The following ELAVL4 variants were observed in gnomAD, a reference collection of about 807,000 sequenced individuals.
ELAVL4 encodes the protein ELAV like RNA binding protein 4.
ELAVL4 carries 1 observed loss-of-function variant against 35.6 expected under a neutral mutation model. The observed-to-expected ratio is 0.03, with a 90% CI of 0.01 to 0.13. The LOEUF is 0.13. ELAVL4 is among the 10% of genes least tolerant of loss of function. ELAVL4 has a pLI of 1.00. For missense variants in ELAVL4, 267 were observed against 464.9 expected (o/e 0.57, Z 3.91); for synonymous variants, 156 against 171.0 (o/e 0.91, Z 0.69).
intron 2 of ELAVL4, among the ~76,000 whole-genome samples, chr1:50,168,635 C>G (rs1463278309): frequency 6.6e-6 from 1 of 152,126 alleles, no homozygotes; most frequent in Non-Finnish European, 1.5e-5. Context: ...TCTCCACATA[C>G]AGTCAAAGGT....
upstream of ELAVL4, among the ~76,000 whole-genome samples, chr1:50,099,848 C>T (rs1298440275): frequency 1.3e-5 from 2 of 152,084 alleles, no homozygotes; most frequent in Admixed American, 1.3e-4. Flanking sequence ...CCTTGTAATC[C>T]TCATAGGACC....
At chr1:50,078,106 T>TTGTG (rs56818675) in intron 1 of ELAVL4, among the ~76,000 whole-genome samples, 3,051 of 145,026 alleles carry the variant, frequency 0.021, 46 homozygotes, top group Middle Eastern at 0.039. Flanking sequence ...AATATATACC[T>TTGTG]TGTGTGTGTG....
Position 50,165,573 on chromosome 1 carries a change from C to T in ELAVL4, c.251-11516C>T, listed in dbSNP as rs1435870242. Among the ~76,000 whole-genome samples, 3 of 147,738 alleles carry T rather than the reference C, an allele frequency of 2.0e-5. No individual in the cohort carries two copies. In the East Asian group the frequency reaches 5.9e-4, roughly 29 times the overall value. ...TAGTATATATGCATATACACACATA[C>T]ACGTATATATGTATACATATATACG... On this transcript the variant is annotated intron_variant, in intron 2 of 6. Coordinates refer to ENST00000371824, the MANE Select transcript of ELAVL4 (RefSeq NM_001144774.3).
intron 1 of ELAVL4, among the ~76,000 whole-genome samples, chr1:50,135,835 G>A (rs926916930): frequency 2.0e-5 from 3 of 152,100 alleles, no homozygotes. Context: ...TGGGAAACAT[G>A]AGTGCAGTCT....
At chr1:50,151,306 C>T (rs1489179228) in intron 2 of ELAVL4, among the ~76,000 whole-genome samples, 1 of 152,138 alleles carries the variant, frequency 6.6e-6, no homozygotes, top group Non-Finnish European at 1.5e-5. Flanking sequence ...ATAATTAGAG[C>T]TCAGAATCTT....
At chr1:50,113,873 C>A (rs562454208) in intron 1 of ELAVL4, among the ~76,000 whole-genome samples, 1 of 152,030 alleles carries the variant, frequency 6.6e-6, no homozygotes, top group Non-Finnish European at 1.5e-5. Context: ...GATTCCTGCA[C>A]CTGTCTTAGG....
chr1:50,088,811 G>A (rs531189346), intron 1 of ELAVL4, among the ~76,000 whole-genome samples: 11 of 152,252 alleles, frequency 7.2e-5, no homozygotes, highest in Non-Finnish European at 1.5e-4. Flanking sequence ...CAGCCAGTCA[G>A]CACCTCTCAT....
At chr1:50,098,382 T>G (rs1665806600) in intron 1 of ELAVL4, among the ~76,000 whole-genome samples, 1 of 152,220 alleles carries the variant, frequency 6.6e-6, no homozygotes, top group Non-Finnish European at 1.5e-5. Context: ...AAGTTATGTT[T>G]GTGAGTAATT....
chr1:50,183,585 G>A (rs1005508756), intron 3 of ELAVL4, among the ~76,000 whole-genome samples: 15 of 151,960 alleles, frequency 9.9e-5, no homozygotes, highest in African/African-American at 2.7e-4. Flanking sequence ...CTCCATTTTC[G>A]CTTTATTCTT....
chr1:50,077,023 T>TTCTCTC lies in ELAVL4; in HGVS notation c.18+28860_18+28865dup, dbSNP rs146497523. On this transcript the variant is annotated intron_variant, in intron 1 of 6. Coordinates refer to the ELAVL4 transcript ENST00000448907. Reference sequence around the variant, plus strand: ...CAGAGAAACAAAGTAAATGGGATGTTTCTCTCTCTCTCTCTCTCTCTCTCA... The same window carrying TTCTCTC: ...CAGAGAAACAAAGTAAATGGGATGTTTCTCTCTCTCTCTCTCTCTCTCTCTCTCTCA... Among the ~76,000 whole-genome samples the TTCTCTC allele has an allele frequency of 3.3e-4, 49 of 147,078 alleles. 1 individual carries two copies. In the South Asian group the frequency reaches 9.2e-3, roughly 27 times the overall value.
intron 3 of ELAVL4, among the ~76,000 whole-genome samples, chr1:50,188,708 G>C (rs887263788): frequency 2.6e-5 from 4 of 152,208 alleles, no homozygotes; most frequent in African/African-American, 9.6e-5. Context: ...TGTGCTTCCA[G>C]CTGGCGTCTG....
At chr1:50,054,381 C>A (rs956193671) in intron 1 of ELAVL4, among the ~76,000 whole-genome samples, 5 of 152,128 alleles carry the variant, frequency 3.3e-5, no homozygotes, top group Admixed American at 3.3e-4. Context: ...CATTGTCACT[C>A]CCATCTTGCC....
At chr1:50,113,525 C>T (rs968646425) in intron 1 of ELAVL4, among the ~76,000 whole-genome samples, 3 of 152,016 alleles carry the variant, frequency 2.0e-5, no homozygotes, top group Non-Finnish European at 4.4e-5. Context: ...ATTTATATGC[C>T]TAGACATTTA....
At chr1:50,156,072 C>A (rs918343085) in intron 2 of ELAVL4, among the ~76,000 whole-genome samples, 7 of 152,096 alleles carry the variant, frequency 4.6e-5, no homozygotes, top group Non-Finnish European at 1.0e-4. Context: ...ACTTTTCTGG[C>A]AGGCATGTGC....
rs1572087169 is a variant in ELAVL4 at position 50,048,255 on chromosome 1, C to T, written c.18+73C>T. ...TCTGTTACGGACACCCGCTGGGCCA[C>T]GTGGTCGCGACTGGCTTCTCCCAGC... On this transcript the variant is annotated intron_variant, in intron 1 of 6. Coordinates refer to the ELAVL4 transcript ENST00000448907. The T allele has an allele frequency of 2.5e-5, 35 of 1,421,126 alleles. No homozygotes were observed. In the South Asian group the frequency reaches 4.6e-4, roughly 19 times the overall value. The allele number at this position is 1,421,126 out of a possible 1,614,324, so 88.0% of individuals were successfully genotyped here.
chr1:50,174,618 G>A (rs1473484586), intron 2 of ELAVL4: 2 of 151,958 alleles, frequency 1.3e-5, no homozygotes, highest in East Asian at 3.9e-4. Flanking sequence ...TGGTGGATTT[G>A]GGACTGATAG....
At chr1:50,103,791 C>A, upstream of ELAVL4, 1 of 904,492 alleles carries the variant, frequency 1.1e-6, no homozygotes, top group Non-Finnish European at 1.7e-6. Context: ...TTCACTCTAC[C>A]TTCCCACCCC....
At chr1:50,184,572 G>T (rs1212956196) in intron 3 of ELAVL4, among the ~76,000 whole-genome samples, 2 of 152,132 alleles carry the variant, frequency 1.3e-5, no homozygotes, top group Non-Finnish European at 2.9e-5. Flanking sequence ...GACAAAGATG[G>T]GAAAGAAGTC....
chr1:50,056,929 C>CAAA (rs35088767), intron 1 of ELAVL4, among the ~76,000 whole-genome samples: 4 of 130,046 alleles, frequency 3.1e-5, no homozygotes, highest in Non-Finnish European at 6.4e-5. Flanking sequence ...AAGACTGTAT[C>CAAA]AAAAAAAAAA....
Sources: allele counts gnomAD v4.1 joint callset (sites outside exome capture counted in the v4.1 genomes callset), GRCh38; gene constraint gnomAD v4.1.1; transcripts MANE v1.5; gene names NCBI Gene and HGNC (gene_info 2026-07-23, HGNC 2026-07-21).